SNRPN: variants seen among roughly 807,000 people sequenced by gnomAD.
SNRPN encodes the protein small nuclear ribonucleoprotein-associated protein N.
A neutral mutation model predicts 25.2 loss-of-function variants in SNRPN; 7 were observed. That is an observed-to-expected ratio of 0.28 (90% CI 0.16 to 0.52). SNRPN has a LOEUF of 0.52. Ranked by LOEUF, SNRPN falls within the 20% of genes least tolerant of loss-of-function variation. The pLI is 0.96. For synonymous variants in SNRPN, 124 were observed against 110.6 expected (o/e 1.12, Z -0.76); for missense variants, 196 against 322.5 (o/e 0.61, Z 3.00).
intron 1 of SNRPN, among the ~76,000 whole-genome samples, chr15:24,861,855 A>C (rs1156423401): frequency 6.6e-6 from 1 of 152,348 alleles, no homozygotes; most frequent in African/African-American, 2.4e-5. Context: ...TTAATTCATA[A>C]GTAAATCAAT....
chr15:24,887,995 T>A (rs2150209526), intron 2 of SNRPN, among the ~76,000 whole-genome samples: 1 of 152,306 alleles, frequency 6.6e-6, no homozygotes, highest in Non-Finnish European at 1.5e-5. Context: ...TAAAAAGTAT[T>A]AATCATTTTA....
At chr15:24,839,916 C>G (rs544568036) in intron 2 of SNRPN, among the ~76,000 whole-genome samples, 1 of 152,322 alleles carries the variant, frequency 6.6e-6, no homozygotes, top group East Asian at 1.9e-4. Context: ...TAAGTGAAGT[C>G]TATGGAGCCT....
intron 2 of SNRPN, among the ~76,000 whole-genome samples, chr15:24,905,853 A>G (rs1171883238): frequency 6.6e-6 from 1 of 152,204 alleles, no homozygotes; most frequent in East Asian, 1.9e-4. Flanking sequence ...TACAGTTTGT[A>G]TGTCTTTGGT....
At chr15:24,937,114 G>T (rs896610341) in intron 3 of SNRPN, among the ~76,000 whole-genome samples, 14 of 152,016 alleles carry the variant, frequency 9.2e-5, no homozygotes, top group Admixed American at 9.2e-4. Flanking sequence ...GGTGGTGCGT[G>T]CCTCTAATTC....
At chr15:24,971,686 T>C (rs145481992) in intron 3 of SNRPN, among the ~76,000 whole-genome samples, 353 of 152,304 alleles carry the variant, frequency 2.3e-3, no homozygotes, top group African/African-American at 8.2e-3. Context: ...TCAAGGTCAT[T>C]GCCAAGGTCT....
chr15:24,933,517 C>G (rs1421011300), intron 3 of SNRPN, among the ~76,000 whole-genome samples: 3 of 152,070 alleles, frequency 2.0e-5, no homozygotes, highest in African/African-American at 7.2e-5. Flanking sequence ...GTGGCTCATG[C>G]CTGTAATCCC....
chr15:24,892,274 GAGA>G (rs2057741168), intron 2 of SNRPN, among the ~76,000 whole-genome samples: 1 of 152,188 alleles, frequency 6.6e-6, no homozygotes, highest in Admixed American at 6.5e-5. Flanking sequence ...TAAAGTTTAA[GAGA>G]AGAAGTCTGA....
rs1374010146 is a variant in SNRPN at position 24,918,406 on chromosome 15, CAT to C, written c.-504-1603_-504-1602del. Among the ~76,000 whole-genome samples, 62 of 62,926 alleles carry C rather than the reference CAT, an allele frequency of 9.9e-4. 3 individuals are homozygous for C. Among genetic ancestry groups the C allele is most frequent in the Non-Finnish European group, 1.8e-3 (59 of 32,380 alleles). 41.3% of individuals were successfully genotyped at this position (62,926 alleles called of 152,430 possible). ...ATAATATATATGTGTATATATATAA[CAT>C]AATATATATGTGTATATATAACATA... is the stretch of plus-strand genomic sequence containing the variant. On this transcript the variant is annotated intron_variant, in intron 2 of 11. Coordinates refer to the SNRPN transcript ENST00000400097.
At chr15:24,975,248 T>C (rs958169641) in intron 4 of SNRPN, 110 bp from the exon 5 acceptor site, 47 of 797,674 alleles carry the variant, frequency 5.9e-5, no homozygotes, top group Non-Finnish European at 9.0e-5. Flanking sequence ...AATATTTGTT[T>C]AGTTAAGGAA....
At chr15:24,919,448 A>G (rs1407317271) in intron 2 of SNRPN, among the ~76,000 whole-genome samples, 1 of 145,996 alleles carries the variant, frequency 6.8e-6, no homozygotes, top group Non-Finnish European at 1.5e-5. Flanking sequence ...AAAAAAAAAT[A>G]TTCAATTATG....
At chr15:24,956,788 G>A (rs1188034653) in intron 1 of SNRPN, among the ~76,000 whole-genome samples, 2 of 152,170 alleles carry the variant, frequency 1.3e-5, no homozygotes, top group Non-Finnish European at 2.9e-5. Flanking sequence ...TAGAGGACTG[G>A]AGGGGAATGT....
At chr15:24,843,670 C>G (rs1367126965) in intron 2 of SNRPN, among the ~76,000 whole-genome samples, 1 of 151,960 alleles carries the variant, frequency 6.6e-6, no homozygotes, top group Non-Finnish European at 1.5e-5. Context: ...GCCTATAATC[C>G]CAGCTACTCA....
At chr15:24,948,151 G>A (rs1376547613) in intron 3 of SNRPN, among the ~76,000 whole-genome samples, 5 of 151,590 alleles carry the variant, frequency 3.3e-5, no homozygotes, top group Non-Finnish European at 4.4e-5. Flanking sequence ...TCACTCTGTC[G>A]CTCAGGCTGG....
chr15:24,974,955 C>G (rs1450190635), intron 4 of SNRPN: 2 of 702,954 alleles, frequency 2.8e-6, no homozygotes, highest in Admixed American at 4.0e-5. Context: ...GATGGACTCT[C>G]AGGTCAGATT....
At chr15:24,842,902 A>T (rs1313006468) in intron 2 of SNRPN, among the ~76,000 whole-genome samples, 2 of 152,198 alleles carry the variant, frequency 1.3e-5, no homozygotes, top group Non-Finnish European at 2.9e-5. Flanking sequence ...GAAATTATTG[A>T]TATCTATCTC....
chr15:24,878,141 G>A (rs1178540098), intron 1 of SNRPN, among the ~76,000 whole-genome samples: 3 of 152,182 alleles, frequency 2.0e-5, no homozygotes, highest in African/African-American at 7.2e-5. Flanking sequence ...CAAAATGAAC[G>A]GGACTTCTTA....
At chr15:24,867,274 C>A (rs931071813) in intron 1 of SNRPN, among the ~76,000 whole-genome samples, 4 of 152,082 alleles carry the variant, frequency 2.6e-5, no homozygotes, top group Non-Finnish European at 2.9e-5. Context: ...CTTTACAACA[C>A]CTGTTATCTT....
At chr15:24,898,295 G>A (rs930130927) in intron 2 of SNRPN, among the ~76,000 whole-genome samples, 4 of 152,208 alleles carry the variant, frequency 2.6e-5, no homozygotes, top group African/African-American at 9.6e-5. Flanking sequence ...TGGCATATAA[G>A]TAGTATATAT....
At chr15:24,939,454 A>G (rs1029868143) in intron 3 of SNRPN, among the ~76,000 whole-genome samples, 2 of 152,092 alleles carry the variant, frequency 1.3e-5, no homozygotes, top group Admixed American at 1.3e-4. Flanking sequence ...ATTTATTGAG[A>G]TGGAGTCTCT....
Sources: gnomAD v4.1 joint callset for allele counts (sites outside exome capture counted in the v4.1 genomes callset) on GRCh38, gnomAD v4.1.1 for gene constraint, MANE v1.5 for transcripts, NCBI Gene and HGNC (gene_info 2026-07-23, HGNC 2026-07-21) for gene names.